Variants in ING1 observed in about 807,000 individuals in gnomAD.
The protein encoded by ING1 is inhibitor of growth family member 1, also known as inhibitor of growth protein 1.
A neutral mutation model predicts 23.1 loss-of-function variants in ING1; 4 were observed. The ratio of observed to expected loss-of-function variants is 0.17; its 90% CI spans 0.09 to 0.40. The LOEUF (loss-of-function observed/expected upper bound fraction) is 0.40, where lower values mean the gene tolerates loss of function less well. Ranked by LOEUF, ING1 falls within the 10% of genes least tolerant of loss-of-function variation. ING1 has a pLI of 1.00. For missense variants in ING1, 256 were observed against 393.8 expected (o/e 0.65, Z 2.96); for synonymous variants, 179 against 166.4 (o/e 1.08, Z -0.58).
At chr13:110,713,543 C>G, upstream of ING1, 3 of 986,104 alleles carry the variant, frequency 3.0e-6, no homozygotes, top group Non-Finnish European at 3.6e-6. Context: ...GCCACGCCCC[C>G]GCGAGGGCCG....
At chr13:110,715,915 G>A in intron 1 of ING1, 7 of 1,575,974 alleles carry the variant, frequency 4.4e-6, no homozygotes, top group Non-Finnish European at 6.0e-6. Context: ...CTGCAGTTCG[G>A]ACCGCCTCCC....
At position 110,719,200 on chromosome 13, in the gene ING1, C is replaced by A; in HGVS notation, c.137-29C>A. ...GTGGGTTGTCCCGGTGTCCTGCTCG[C>A]GAGTGACGCCTGTCCTTCTTGCCCC... On this transcript the variant is annotated intron_variant, in intron 1 of 1. Coordinates refer to ENST00000333219, the MANE Select transcript of ING1 (RefSeq NM_198219.3). This position sits in a 1 kb window ranked among gnomAD's most constrained non-coding sequence, Gnocchi z 8.9. The A allele has an allele frequency of 6.2e-7, 1 of 1,607,230 alleles. No individual in the cohort carries two copies. Among genetic ancestry groups the A allele is most frequent in the Non-Finnish European group, 8.5e-7 (1 of 1,175,900 alleles).
At position 110,714,233 on chromosome 13, in the gene ING1, C is replaced by T. The variant is rs753613951; in HGVS notation, c.84C>T (p.Phe28=). The T allele has an allele frequency of 2.5e-6, 4 of 1,577,988 alleles. No individual in the cohort carries two copies. The highest frequency in any genetic ancestry group is 2.5e-5 in the East Asian group (1 of 40,180). Residue 28 remains phenylalanine (F), a synonymous_variant, in exon 1 of 2, where the codon TTC becomes TTT. Transcript: ENST00000333219. ...DYLDSIESLP[F]DLQRNVSLMR... ...TGGACTCCATCGAGTCCCTGCCTTT[C>T]GACTTGCAGAGAAATGTCTCGCTGA...
upstream of ING1, chr13:110,713,239 T>G: frequency 7.2e-7 from 1 of 1,386,114 alleles, no homozygotes; most frequent in Non-Finnish European, 9.3e-7. Context: ...CTACTTATAC[T>G]GCTCTGTGGG....
At chr13:110,716,009 G>T (rs760213554) in intron 1 of ING1, 2 of 1,501,940 alleles carry the variant, frequency 1.3e-6, no homozygotes, top group African/African-American at 1.4e-5. Context: ...CCGTGGAAAC[G>T]TGAGTGACTG....
intron 1 of ING1, chr13:110,714,909 C>T: frequency 1.1e-6 from 1 of 910,760 alleles, no homozygotes; most frequent in Non-Finnish European, 1.3e-6. Flanking sequence ...CGAGGGGCGA[C>T]GCCGCCGGTT....
chr13:110,715,366 G>T, intron 1 of ING1: 1 of 1,494,154 alleles, frequency 6.7e-7, no homozygotes, highest in Non-Finnish European at 8.9e-7. Flanking sequence ...CCGAGACGTA[G>T]CTTCGCAGCG....
At chr13:110,714,671 G>T (rs1197683081) in intron 1 of ING1, among the ~76,000 whole-genome samples, 1 of 152,206 alleles carries the variant, frequency 6.6e-6, no homozygotes, top group Non-Finnish European at 1.5e-5. Flanking sequence ...AGGGCGCCGA[G>T]ACGGGGCTGC....
chr13:110,721,732 T>C lies in ING1; in HGVS notation c.*1800T>C, dbSNP rs145831449. On this transcript the variant is annotated 3_prime_UTR_variant, in exon 2 of 2. Transcript: ENST00000333219. ...CTGGGACTACAGGTGCGTGCCACCA[T>C]GCCCAGCTAATTTTTGTATTTTTAG... is the stretch of plus-strand genomic sequence containing the variant. 0.02 allele frequency: 3,053 copies of C among 152,280 alleles called. 49 individuals are homozygous for C. The highest frequency in any genetic ancestry group is 0.047 in the South Asian group (226 of 4,814). 9.4% of individuals were successfully genotyped at this position (152,280 alleles called of 1,614,324 possible). A position where few individuals can be genotyped will look rare whatever the true frequency, so the allele number is the denominator to read the frequency against.
At position 110,719,173 on chromosome 13, in the gene ING1, G is replaced by A. The variant is rs1306269469; in HGVS notation, c.137-56G>A. On this transcript the variant is annotated intron_variant, in intron 1 of 1. Transcript: ENST00000333219. The surrounding 1 kb of genome is among the most constrained non-coding windows in gnomAD (Gnocchi z 8.9). ...CCTCTCCGTAGACCCGTCCGGGGCC[G>A]TGTGGGTTGTCCCGGTGTCCTGCTC... The A allele has an allele frequency of 1.9e-6, 3 of 1,564,814 alleles. No homozygotes were observed. Among genetic ancestry groups the A allele is most frequent in the East Asian group, 4.5e-5 (2 of 44,480 alleles).
Position 110,721,877 on chromosome 13 carries a change from C to G in ING1, c.*1945C>G, listed in dbSNP as rs34809215. 6.6e-6 allele frequency: 1 copy of G among 152,146 alleles called. No homozygotes were observed. Among genetic ancestry groups the G allele is most frequent in the African/African-American group, 2.4e-5 (1 of 41,440 alleles). The allele number at this position is 152,146 out of a possible 1,614,324, so 9.4% of individuals were successfully genotyped here. ...GTGAGCCACCGTGCGCTGAGTGATA[C>G]GTGGTTCCCTTTAACTTCGCACATG... On this transcript the variant is annotated 3_prime_UTR_variant, in exon 2 of 2. Transcript: ENST00000333219.
rs72663417 is a variant in ING1, at chr13:110,716,868, G to C, written c.137-2361G>C. Among the ~76,000 whole-genome samples, 1,043 of 152,304 alleles carry C rather than the reference G, an allele frequency of 6.8e-3. 12 individuals carry two copies. The highest frequency in any genetic ancestry group is 0.011 in the Non-Finnish European group (729 of 68,024). On this transcript the variant is annotated intron_variant, in intron 1 of 1. Coordinates refer to ENST00000333219, the MANE Select transcript of ING1 (RefSeq NM_198219.3). ...AAGGATGGCTTCCTATTTAGCAGTG[G>C]TGTTGTTCCTGTTTATAAATATTTG...
In ING1 at chr13:110,714,857, C is replaced by G. The variant is rs927927473; in HGVS notation, c.136+572C>G. On this transcript the variant is annotated intron_variant, in intron 1 of 1. Coordinates refer to ENST00000333219, the MANE Select transcript of ING1 (RefSeq NM_198219.3). ...GTCGGCCGCCCCCGCCCAGCCCCCT[C>G]CGGCCCTCACTTGGAGCTGGACACC... 1.0e-5 allele frequency: 5 copies of G among 487,520 alleles called. No individual in the cohort carries two copies. In the African/African-American group the frequency reaches 1.0e-4, roughly 10 times the overall value. The allele number at this position is 487,520 out of a possible 1,614,324, so 30.2% of individuals were successfully genotyped here.
intron 1 of ING1, among the ~76,000 whole-genome samples, chr13:110,714,577 G>C (rs768251096): frequency 6.6e-6 from 1 of 152,140 alleles, no homozygotes; most frequent in Admixed American, 6.5e-5. Flanking sequence ...GCGGGGGAGG[G>C]GGCGGCGGGT....
In ING1 at chr13:110,719,544, G is replaced by A; in HGVS notation, c.452G>A (p.Arg151Gln). Residue 151 changes from arginine (R) to glutamine (Q), a missense_variant, in exon 2 of 2, where the codon CGG (arginine) becomes CAG (glutamine). Coordinates refer to ENST00000333219, the MANE Select transcript of ING1 (RefSeq NM_198219.3). This position sits in a 1 kb window ranked among gnomAD's most constrained non-coding sequence, Gnocchi z 8.9. ...GACAAGCCCAACAGCAAGCGCTCACGGCGGCAGCGCAACAACGAGAACCGT... is the reference window on the plus strand; with the variant it reads ...GACAAGCCCAACAGCAAGCGCTCACAGCGGCAGCGCAACAACGAGAACCGT... ...QADKPNSKRS[R>Q]RQRNNENREN... is the part of the protein sequence containing the mutation. 6.2e-7 allele frequency: 1 copy of A among 1,610,332 alleles called. No homozygotes were observed. Among genetic ancestry groups the A allele is most frequent in the Non-Finnish European group, 8.5e-7 (1 of 1,178,666 alleles).
At chr13:110,715,762 C>A (rs1253897204) in intron 1 of ING1, 1 of 1,583,060 alleles carries the variant, frequency 6.3e-7, no homozygotes, top group Non-Finnish European at 8.6e-7. Context: ...GGGTGCGGGG[C>A]GAGTCTCCCG....
chr13:110,715,912 T>C lies in ING1; in HGVS notation c.136+1627T>C, dbSNP rs778930539. Reference sequence around the variant, plus strand: ...GTGGGCTCGGGGCCGGGGCTGCAGTTCGGACCGCCTCCCGCGACCCGCGGG... The same window carrying C: ...GTGGGCTCGGGGCCGGGGCTGCAGTCCGGACCGCCTCCCGCGACCCGCGGG... On this transcript the variant is annotated intron_variant, in intron 1 of 1. Coordinates refer to ENST00000333219, the MANE Select transcript of ING1 (RefSeq NM_198219.3). 44 of 1,576,422 alleles carry C rather than the reference T, an allele frequency of 2.8e-5. No homozygotes were observed. Among genetic ancestry groups the C allele is most frequent in the Admixed American group, 2.0e-4 (11 of 53,704 alleles).
intron 1 of ING1, chr13:110,715,896 G>C (rs1476131386): frequency 1.3e-6 from 2 of 1,586,252 alleles, no homozygotes; most frequent in African/African-American, 2.7e-5. Context: ...TGTGGGCTCG[G>C]GGCCGGGGCT....
chr13:110,717,603 G>T (rs906161676), intron 1 of ING1, among the ~76,000 whole-genome samples: 1 of 152,174 alleles, frequency 6.6e-6, no homozygotes, highest in Admixed American at 6.5e-5. Flanking sequence ...GAGGCGGGCG[G>T]ATCACCTGAG....
Sources: allele counts gnomAD v4.1 joint callset (sites outside exome capture counted in the v4.1 genomes callset), GRCh38; gene constraint gnomAD v4.1.1; non-coding constraint Gnocchi (gnomAD v3.1); transcripts MANE v1.5; gene names NCBI Gene and HGNC (gene_info 2026-07-23, HGNC 2026-07-21).